Variants in DNAJA1 observed in about 807,000 individuals in gnomAD.
The protein encoded by DNAJA1 is dnaJ homolog subfamily A member 1.
DNAJA1 carries 26 observed loss-of-function variants against 47.6 expected under a neutral mutation model. The observed-to-expected ratio is 0.55, with a 90% CI of 0.40 to 0.76. The LOEUF is 0.76. Ranked by LOEUF, DNAJA1 falls within the 30% of genes least tolerant of loss-of-function variation. The pLI is 0.00. For synonymous variants in DNAJA1, 165 were observed against 158.4 expected, an observed-to-expected ratio of 1.04 and a Z score of -0.31; for missense variants, 315 against 485.0, an observed-to-expected ratio of 0.65 and a Z score of 3.29.
chr9:33,026,193 C>T (rs763603780), intron 1 of DNAJA1, among the ~76,000 whole-genome samples: 34 of 152,268 alleles, frequency 2.2e-4, no homozygotes, highest in Non-Finnish European at 4.3e-4. Flanking sequence ...GGGAAGAATC[C>T]AGATAATAGT....
chr9:33,026,796 C>T lies in DNAJA1; in HGVS notation c.133-17C>T, dbSNP rs1305221248. 1.2e-6 allele frequency: 2 copies of T among 1,604,632 alleles called. No individual in the cohort carries two copies. The highest frequency in any genetic ancestry group is 1.7e-6 in the Non-Finnish European group (2 of 1,176,400). ...TGTTTTTTAAAAAATGAAATTCACT[C>T]CTCTTTTCTCAAACAGTTTAAACAG... On this transcript the variant is annotated splice_polypyrimidine_tract_variant and intron_variant, in intron 2 of 8. Coordinates refer to ENST00000330899, the MANE Select transcript of DNAJA1 (RefSeq NM_001539.4).
At position 33,029,885 on chromosome 9, in the gene DNAJA1, G is replaced by A; in HGVS notation, c.311G>A (p.Gly104Asp). Residue 104 changes from glycine to aspartate, a missense_variant and splice_region_variant, in exon 4 of 9, where the codon GGT becomes GAT. Coordinates refer to ENST00000330899, the MANE Select transcript of DNAJA1 (RefSeq NM_001539.4). The part of the protein sequence containing the change: ...GGGRMQRERR[G>D]KNVVHQLSVT... ...TGCAATGAGAAATATTTTGTTTTAG[G>A]TAAAAATGTTGTACATCAGCTCTCA... 6.2e-7 allele frequency: 1 copy of A among 1,601,532 alleles called. No individual in the cohort carries two copies. The highest frequency in any genetic ancestry group is 8.5e-7 in the Non-Finnish European group (1 of 1,176,102).
chr9:33,031,893 CT>C (rs1023758732), intron 5 of DNAJA1, among the ~76,000 whole-genome samples: 2 of 151,874 alleles, frequency 1.3e-5, no homozygotes, highest in Non-Finnish European at 2.9e-5. Flanking sequence ...ACTATATAAC[CT>C]TTTTTTTGTA....
At chr9:33,025,814 C>T (rs1838820093) in intron 1 of DNAJA1, among the ~76,000 whole-genome samples, 2 of 152,188 alleles carry the variant, frequency 1.3e-5, no homozygotes, top group Admixed American at 6.5e-5. Flanking sequence ...CTCTGTTTCC[C>T]CTCCCTTTGT....
In DNAJA1 at chr9:33,030,354, T is replaced by C. The variant is rs191263229; in HGVS notation, c.416-86T>C. On this transcript the variant is annotated intron_variant, in intron 4 of 8. Coordinates refer to ENST00000330899, the MANE Select transcript of DNAJA1 (RefSeq NM_001539.4). The stretch of plus-strand genomic sequence containing the variant: ...TCAGGCTTCGAAAATATTAAAAGTA[T>C]AGCATTTAGGAATTGTCTTCTTAAA... The C allele has an allele frequency of 1.2e-3, 1,490 of 1,286,780 alleles. 2 individuals carry two copies. Among genetic ancestry groups the C allele is most frequent in the Non-Finnish European group, 1.6e-3 (1,445 of 923,316 alleles). 79.7% of individuals were successfully genotyped at this position (1,286,780 alleles called of 1,614,324 possible). A position where few individuals can be genotyped will look rare whatever the true frequency, so the allele number is the denominator to read the frequency against.
intron 6 of DNAJA1, 25 bp from the exon 7 acceptor site, chr9:33,036,549 T>C (rs367641374): frequency 1.2e-5 from 18 of 1,474,350 alleles, no homozygotes; most frequent in South Asian, 4.8e-5. Flanking sequence ...TTGAAAAATA[T>C]AAATATGTGT....
chr9:33,029,017 C>T (rs4879658), intron 3 of DNAJA1, among the ~76,000 whole-genome samples: 49,767 of 152,062 alleles, frequency 0.33, 8,432 homozygotes, highest in Non-Finnish European at 0.37. Context: ...TACTAACTTA[C>T]TAGCAGGTGA....
rs1838943277 is a variant in DNAJA1 at position 33,030,464 on chromosome 9, T to G, written c.440T>G (p.Val147Gly). Residue 147 changes from valine to glycine, a missense_variant, in exon 5 of 9, where the codon GTA (valine) becomes GGA (glycine). By Grantham distance (109) the Val-to-Gly change is moderately radical (BLOSUM62 -3). Around this residue, in one of 4 missense-constraint regions of DNAJA1, gnomAD observed 8 missense variants for 43.4 expected, o/e 0.18. Coordinates refer to ENST00000330899, the MANE Select transcript of DNAJA1 (RefSeq NM_001539.4). ...GGTAGAGGAGGTAAGAAAGGAGCAG[T>G]AGAGTGCTGTCCCAATTGCCGAGGT... Reference protein sequence around the residue: ...CEGRGGKKGAVECCPNCRGTG... With the variant: ...CEGRGGKKGAGECCPNCRGTG... 6.2e-7 allele frequency: 1 copy of G among 1,612,906 alleles called. No individual in the cohort carries two copies. Among genetic ancestry groups the G allele is most frequent in the Admixed American group, 1.7e-5 (1 of 59,988 alleles).
chr9:33,026,550 GA>G lies in DNAJA1; in HGVS notation c.71del (p.Lys24ArgfsTer8). The G allele has an allele frequency of 1.2e-6, 2 of 1,610,432 alleles. No individual in the cohort carries two copies. Among genetic ancestry groups the G allele is most frequent in the Admixed American group, 1.7e-5 (1 of 59,060 alleles). On this transcript the variant is annotated frameshift_variant, in exon 2 of 9. Coordinates refer to ENST00000330899, the MANE Select transcript of DNAJA1 (RefSeq NM_001539.4). LOFTEE classifies it high-confidence loss of function. ...AACCCAATGCTACTCAGGAAGAATT[GA>G]AAAAGGCTTATAGGAAACTGGCTTT... Reference protein sequence around the residue: ...VKPNATQEELKKAYRKLALKY... With the variant: ...VKPNATQEELXKAYRKLALKY...
rs748229438 is a variant in DNAJA1, at chr9:33,030,468, G to A, written c.444G>A (p.Glu148=). The A allele has an allele frequency of 3.1e-6, 5 of 1,613,158 alleles. No homozygotes were observed. The change falls in exon 5 of 9, where the codon GAG becomes GAA. Residue 148 remains glutamate (E), a synonymous_variant. Coordinates refer to ENST00000330899, the MANE Select transcript of DNAJA1 (RefSeq NM_001539.4). ...EGRGGKKGAV[E]CCPNCRGTGM... ...GAGGAGGTAAGAAAGGAGCAGTAGA[G>A]TGCTGTCCCAATTGCCGAGGTACTG...
intron 2 of DNAJA1, 69 bp downstream of exon 2, chr9:33,026,685 C>T (rs1039092017): frequency 1.4e-5 from 22 of 1,565,124 alleles, no homozygotes; most frequent in African/African-American, 2.8e-5. Context: ...TCTATTATGG[C>T]CTGAAATCGA....
chr9:33,036,067 C>G (rs1483648995), intron 6 of DNAJA1: 2 of 152,534 alleles, frequency 1.3e-5, no homozygotes, highest in East Asian at 1.9e-4. Context: ...CTCAGCCTCC[C>G]GAGTAGCTGG....
chr9:33,036,731 A>C (rs1839041460), intron 7 of DNAJA1, 42 bp downstream of exon 7: 6 of 1,436,486 alleles, frequency 4.2e-6, no homozygotes, highest in Non-Finnish European at 5.8e-6. Flanking sequence ...TTTCTATTCT[A>C]GTATTTTCCT....
intron 6 of DNAJA1, 192 bp from the exon 7 acceptor site, chr9:33,036,382 G>C: frequency 1.0e-5 from 4 of 394,576 alleles, no homozygotes; most frequent in South Asian, 3.7e-5. Flanking sequence ...TCCTTAACTA[G>C]GAAACGGGGC....
chr9:33,039,145 C>T lies in DNAJA1; in HGVS notation c.*242C>T, dbSNP rs1276257349. On this transcript the variant is annotated 3_prime_UTR_variant, in exon 9 of 9. Coordinates refer to ENST00000330899, the MANE Select transcript of DNAJA1 (RefSeq NM_001539.4). ...CTGTAAAAACTACAAAGAAGTTCCCCTAGCATTTCTAGGCCAAACCTTGTA... is the reference window on the plus strand; with the variant it reads ...CTGTAAAAACTACAAAGAAGTTCCCTTAGCATTTCTAGGCCAAACCTTGTA... 4.1e-6 allele frequency: 2 copies of T among 485,270 alleles called. No homozygotes were observed. The highest frequency in any genetic ancestry group is 3.8e-5 in the East Asian group (1 of 26,206). 30.1% of individuals were successfully genotyped at this position (485,270 alleles called of 1,614,324 possible). A position where few individuals can be genotyped will look rare whatever the true frequency, so the allele number is the denominator to read the frequency against.
intron 5 of DNAJA1, 65 bp from the exon 6 acceptor site, chr9:33,034,151 G>C: frequency 8.7e-7 from 1 of 1,146,938 alleles, no homozygotes; most frequent in East Asian, 2.5e-5. Context: ...TCTATGTATA[G>C]ATTTTATGAT....
chr9:33,034,085 A>G, intron 5 of DNAJA1, 131 bp from the exon 6 acceptor site: 1 of 592,446 alleles, frequency 1.7e-6, no homozygotes, highest in Non-Finnish European at 2.8e-6. Flanking sequence ...AATTGGACTG[A>G]ACTACTTAAG....
chr9:33,025,680 G>T (rs1031660902), intron 1 of DNAJA1, among the ~76,000 whole-genome samples: 2 of 146,976 alleles, frequency 1.4e-5, no homozygotes, highest in Non-Finnish European at 3.0e-5. Context: ...CCCCCTCCCC[G>T]TCCGTGCTCG....
In DNAJA1 at chr9:33,029,910, A is replaced by G; in HGVS notation, c.336A>G (p.Ser112=). Residue 112 remains serine, a synonymous_variant, in exon 4 of 9, where the codon TCA becomes TCG. Coordinates refer to ENST00000330899, the MANE Select transcript of DNAJA1 (RefSeq NM_001539.4). ...RRGKNVVHQL[S]VTLEDLYNGA... is the part of the protein sequence containing the mutation. ...GTAAAAATGTTGTACATCAGCTCTC[A>G]GTAACCCTAGAAGACTTATATAATG... 1 of 1,610,392 alleles carries G rather than the reference A, an allele frequency of 6.2e-7. No individual in the cohort carries two copies. Among genetic ancestry groups the G allele is most frequent in the South Asian group, 1.1e-5 (1 of 90,050 alleles).
Sources: allele counts gnomAD v4.1 joint callset (sites outside exome capture counted in the v4.1 genomes callset), GRCh38; gene constraint gnomAD v4.1.1; regional missense constraint gnomAD v4.1.1; transcripts MANE v1.5; gene names NCBI Gene and HGNC (gene_info 2026-07-23, HGNC 2026-07-21).